SEL1L3: variants seen among roughly 807,000 people sequenced by gnomAD.
SEL1L3 encodes the protein protein sel-1 homolog 3.
SEL1L3 carries 76 observed loss-of-function variants against 142.8 expected under a neutral mutation model. That is an observed-to-expected ratio of 0.53 (90% confidence interval 0.44 to 0.64). The LOEUF is 0.64. Among genes scored for constraint, SEL1L3 ranks in the 30% least tolerant of loss-of-function variants. SEL1L3 has a pLI of 0.00. For missense variants in SEL1L3, 1,262 were observed against 1,381.7 expected (o/e 0.91, Z 1.37); for synonymous variants, 504 against 519.6 (o/e 0.97, Z 0.41).
At chr4:25,769,946 T>C (rs907243670) in intron 17 of SEL1L3, among the ~76,000 whole-genome samples, 5 of 151,820 alleles carry the variant, frequency 3.3e-5, no homozygotes, top group Non-Finnish European at 5.9e-5. Context: ...TGGGCAACAG[T>C]AGAAACCCTG....
upstream of SEL1L3, among the ~76,000 whole-genome samples, chr4:25,863,182 T>G: frequency 1.3e-5 from 1 of 74,230 alleles, no homozygotes; most frequent in Admixed American, 1.4e-4. Context: ...GTCCCGCCCC[T>G]TGGCCGCCGC....
intron 1 of SEL1L3, among the ~76,000 whole-genome samples, chr4:25,858,499 C>T (rs1717419335): frequency 1.3e-5 from 2 of 152,146 alleles, no homozygotes; most frequent in Admixed American, 6.5e-5. Context: ...CTGTCACAGC[C>T]GCTGTCTGCT....
the SEL1L3 span, among the ~76,000 whole-genome samples, chr4:25,739,701 G>A: frequency 5.5e-5 from 8 of 144,156 alleles, no homozygotes; most frequent in East Asian, 4.0e-4. Flanking sequence ...GAGAGACTCC[G>A]TCAAAAAAAA....
intron 21 of SEL1L3, 96 bp downstream of exon 21, chr4:25,758,845 A>G: frequency 7.8e-7 from 1 of 1,277,894 alleles, no homozygotes; most frequent in Non-Finnish European, 1.1e-6. Context: ...AACAATTTAC[A>G]TTACAATATA....
intron 16 of SEL1L3, chr4:25,777,707 C>T: frequency 2.5e-6 from 1 of 401,724 alleles, no homozygotes; most frequent in Non-Finnish European, 4.9e-6. Context: ...ATCCACAAAA[C>T]ATGAATATTC....
At chr4:25,816,640 G>C (rs1310476323) in intron 9 of SEL1L3, among the ~76,000 whole-genome samples, 1 of 152,068 alleles carries the variant, frequency 6.6e-6, no homozygotes, top group Non-Finnish European at 1.5e-5. Flanking sequence ...CAAAATCCCA[G>C]ATCTCACTAT....
intron 14 of SEL1L3, among the ~76,000 whole-genome samples, chr4:25,783,412 A>C (rs750792664): frequency 1.3e-5 from 2 of 152,230 alleles, no homozygotes; most frequent in Non-Finnish European, 2.9e-5. Flanking sequence ...ATGAGGAAGA[A>C]AATTCAGCAT....
At chr4:25,830,240 A>T (rs999398182) in intron 5 of SEL1L3, 84 bp from the exon 6 acceptor site, 1 of 862,624 alleles carries the variant, frequency 1.2e-6, no homozygotes, top group African/African-American at 1.7e-5. Context: ...ATTACTCATG[A>T]TATGTGTTGG....
chr4:25,821,284 A>G (rs933159706), intron 7 of SEL1L3, among the ~76,000 whole-genome samples: 2 of 152,200 alleles, frequency 1.3e-5, no homozygotes, highest in Non-Finnish European at 2.9e-5. Flanking sequence ...TTTTCTCAGA[A>G]TAAACCCCAC....
chr4:25,748,564 G>A lies in SEL1L3; in HGVS notation c.3260C>T (p.Ala1087Val). 1 of 1,608,798 alleles carries A rather than the reference G, an allele frequency of 6.2e-7. No homozygotes were observed. Among genetic ancestry groups the A allele is most frequent in the Non-Finnish European group, 8.5e-7 (1 of 1,177,870 alleles). Residue 1087 changes from alanine (A) to valine (V), a missense_variant and splice_region_variant, in exon 24 of 24, where the codon GCA (alanine) becomes GTA (valine). Around this residue, in one of 3 missense-constraint regions of SEL1L3, gnomAD observed 138 missense variants for 129.7 expected, o/e 1.06. Transcript: ENST00000399878. ...GGATGGTCTTGGAGGGGGATCGCTT[G>A]CTGCAGAGACACATGCACAACAGGT... The part of the protein sequence containing the change: ...WTVQYFQSVS[A>V]SDPPPRPSQA...
At chr4:25,785,956 T>C (rs1235966893) in intron 13 of SEL1L3, among the ~76,000 whole-genome samples, 5 of 152,102 alleles carry the variant, frequency 3.3e-5, no homozygotes, top group Non-Finnish European at 7.4e-5. Context: ...CGCTATTGAG[T>C]CAAAAGTGGG....
Position 25,748,895 on chromosome 4 carries a change from GTACCTACAGAAGAGGTCGTGGATTCCAA to G in SEL1L3, c.3260-359_3260-332del, listed in dbSNP as rs1717414081. 2.0e-5 allele frequency among the ~76,000 whole-genome samples: 3 copies of G among 152,174 alleles called. No homozygotes were observed. In the South Asian group the frequency reaches 6.2e-4, roughly 32 times the overall value. ...GCGGGAATTCTTCGGGCCCCTTCCA[GTACCTACAGAAGAGGTCGTGGATTCCAA>G]CACTCTTCTGAAAGAATAGGAGAGT... On this transcript the variant is annotated intron_variant, in intron 23 of 23. Transcript: ENST00000399878.
chr4:25,848,788 G>C (rs981729326), intron 1 of SEL1L3, among the ~76,000 whole-genome samples: 1 of 152,176 alleles, frequency 6.6e-6, no homozygotes, highest in African/African-American at 2.4e-5. Context: ...ATGTAAAATG[G>C]TGTGGCTACT....
chr4:25,845,745 T>A (rs1411951167), intron 2 of SEL1L3, among the ~76,000 whole-genome samples: 1 of 151,540 alleles, frequency 6.6e-6, no homozygotes, highest in East Asian at 1.9e-4. Context: ...TTAAGTCACC[T>A]TGTCCCAAAC....
In SEL1L3 at chr4:25,788,596, G is replaced by GTGTGTGTGTGTGTGTGTA. The variant is rs1712042481; in HGVS notation, c.2077-233_2077-232insTACACACACACACACACA. Among the ~76,000 whole-genome samples the GTGTGTGTGTGTGTGTGTA allele has an allele frequency of 4.0e-5, 6 of 150,224 alleles. No homozygotes were observed. The highest frequency in any genetic ancestry group is 5.9e-5 in the Non-Finnish European group (4 of 67,478). ...TGTGTGTGTGTGTGTGTGTGTGTGT[G>GTGTGTGTGTGTGTGTGTA]TGTGTGTGTGTGTGTGTGTGTGTGT... On this transcript the variant is annotated intron_variant, in intron 12 of 23. Transcript: ENST00000399878. The surrounding 1 kb of genome is among the most constrained non-coding windows in gnomAD (Gnocchi z 5.3).
At chr4:25,836,509 G>A (rs188030347) in intron 2 of SEL1L3, among the ~76,000 whole-genome samples, 39 of 152,040 alleles carry the variant, frequency 2.6e-4, no homozygotes, top group African/African-American at 8.9e-4. Context: ...AAAATTAGCC[G>A]GGCATGGTAG....
intron 8 of SEL1L3, 148 bp from the exon 9 acceptor site, chr4:25,818,426 G>T: frequency 1.4e-6 from 1 of 717,470 alleles, no homozygotes; most frequent in Non-Finnish European, 2.1e-6. Context: ...AATTGGCTAT[G>T]ATGCTTTTGC....
intron 23 of SEL1L3, chr4:25,756,266 G>A (rs1004075456): frequency 1.0e-6 from 1 of 985,120 alleles, no homozygotes; most frequent in Admixed American, 6.2e-5. Flanking sequence ...CAGTTTTCTT[G>A]TCTCTTGAGA....
Position 25,822,056 on chromosome 4 carries a change from G to A in SEL1L3, c.1230C>T (p.Gly410=). 2 of 1,613,900 alleles carry A rather than the reference G, an allele frequency of 1.2e-6. No homozygotes were observed. Among genetic ancestry groups the A allele is most frequent in the East Asian group, 2.2e-5 (1 of 44,876 alleles). ...FIIGGSRYVA[G]IEGFFGPLKY... ...TCAGGGGTCCAAAAAACCCTTCAATGCCAGCCACATACCTGCTCCCTCCAA... is the reference window on the plus strand; with the variant it reads ...TCAGGGGTCCAAAAAACCCTTCAATACCAGCCACATACCTGCTCCCTCCAA... The change falls in exon 7 of 24, where the codon GGC becomes GGT. Residue 410 remains glycine (G), a synonymous_variant. Transcript: ENST00000399878.
Sources: gnomAD v4.1 joint callset for allele counts (sites outside exome capture counted in the v4.1 genomes callset) on GRCh38, gnomAD v4.1.1 for gene constraint, gnomAD v4.1.1 regional missense constraint, Gnocchi (gnomAD v3.1) non-coding constraint, MANE v1.5 for transcripts, NCBI Gene and HGNC (gene_info 2026-07-23, HGNC 2026-07-21) for gene names.